The following MOBP variants were observed in gnomAD, a reference collection of about 807,000 sequenced individuals.
The protein encoded by MOBP is myelin-associated oligodendrocyte basic protein.
MOBP carries 5 observed loss-of-function variants against 15.0 expected under a neutral mutation model. The ratio of observed to expected loss-of-function variants is 0.33; its 90% CI spans 0.17 to 0.70. The LOEUF is 0.70. Ranked by LOEUF, MOBP falls within the 30% of genes least tolerant of loss-of-function variation. The probability of loss-of-function intolerance (pLI) is 0.67; values close to 1 mark genes in which losing one functional copy is unlikely to be tolerated. For synonymous variants in MOBP, 88 were observed against 99.0 expected (o/e 0.89, Z 0.66); for missense variants, 188 against 257.8 (o/e 0.73, Z 1.85).
At chr3:39,525,465 A>G (rs1452918298), downstream of MOBP, 1 of 152,260 alleles carries the variant, frequency 6.6e-6, no homozygotes, top group African/African-American at 2.4e-5. Context: ...TAAAATGGAC[A>G]GTACTAGGGT....
rs1417710935 is a variant in MOBP, at chr3:39,502,274, A to G, written c.205A>G (p.Arg69Gly). 6.2e-7 allele frequency: 1 copy of G among 1,613,918 alleles called. No individual in the cohort carries two copies. Among genetic ancestry groups the G allele is most frequent in the Non-Finnish European group, 8.5e-7 (1 of 1,180,014 alleles). ...GATCTGCTGCGCCTGCCAGAAGACC[A>G]GGTAAGCGGCCGCCCAGCCCCGCGG... ...DWICCACQKT[R>G]TSRRAKSPQR... The change falls in exon 3 of 4, where the codon AGA (arginine) becomes GGA (glycine). Residue 69 changes from arginine to glycine, a missense_variant and splice_region_variant. By Grantham distance (125) the Arg-to-Gly change is moderately radical (BLOSUM62 -2). Coordinates refer to ENST00000684792, the MANE Select transcript of MOBP (RefSeq NM_001393704.1). This position sits in a 1 kb window ranked among gnomAD's most constrained non-coding sequence, Gnocchi z 6.3.
chr3:39,496,435 A>G (rs965726011), intron 2 of MOBP, among the ~76,000 whole-genome samples: 7 of 151,556 alleles, frequency 4.6e-5, no homozygotes, highest in South Asian at 2.1e-4. Flanking sequence ...TCCTAACCTC[A>G]TGATCCGCCC....
intron 2 of MOBP, among the ~76,000 whole-genome samples, chr3:39,499,028 A>G (rs645488): frequency 0.28 from 41,913 of 151,910 alleles, 6,919 homozygotes; most frequent in African/African-American, 0.46. Context: ...GTAAGAGCTA[A>G]ATTTTCTGTT....
In MOBP at chr3:39,468,794, GTA is replaced by G. The variant is rs1318914956; in HGVS notation, c.-89+1061_-89+1062del. ...TATATATACATATATACATGTGTGTGTATATATACATATGTGTGTGTATACAT... is the reference window on the plus strand; with the variant it reads ...TATATATACATATATACATGTGTGTGTATATACATATGTGTGTGTATACAT... On this transcript the variant is annotated intron_variant, in intron 1 of 3. Transcript: ENST00000684792. Among the ~76,000 whole-genome samples the G allele has an allele frequency of 3.9e-5, 4 of 101,930 alleles. No homozygotes were observed. In the South Asian group the frequency reaches 9.4e-4, roughly 24 times the overall value. The allele number at this position is 101,930 out of a possible 152,430, so 66.9% of individuals were successfully genotyped here.
chr3:39,502,838 C>T lies in MOBP; in HGVS notation c.510C>T (p.Ala170=). 1 of 1,502,740 alleles carries T rather than the reference C, an allele frequency of 6.7e-7. No individual in the cohort carries two copies. Among genetic ancestry groups the T allele is most frequent in the Non-Finnish European group, 8.9e-7 (1 of 1,120,916 alleles). 93.1% of individuals were successfully genotyped at this position (1,502,740 alleles called of 1,614,324 possible). A position where few individuals can be genotyped will look rare whatever the true frequency, so the allele number is the denominator to read the frequency against. The part of the protein sequence containing the change: ...PRSSPLRGPG[A]SRGGSPVKAS... ...GCAGCCCCCTCAGAGGGCCAGGCGCCAGCCGTGGGGGGTCCCCCGTCAAAG... is the reference window on the plus strand; with the variant it reads ...GCAGCCCCCTCAGAGGGCCAGGCGCTAGCCGTGGGGGGTCCCCCGTCAAAG... Residue 170 remains alanine, a synonymous_variant, in exon 4 of 4, where the codon GCC becomes GCT. Transcript: ENST00000684792. This position sits in a 1 kb window ranked among gnomAD's most constrained non-coding sequence, Gnocchi z 6.3.
Position 39,502,527 on chromosome 3 carries a change from C to T in MOBP, c.207-8C>T, listed in dbSNP as rs190253050. The T allele has an allele frequency of 1.7e-5, 27 of 1,573,774 alleles. No homozygotes were observed. In the East Asian group the frequency reaches 5.8e-4, roughly 34 times the overall value. ...GCTCCCGCCTCCAGCTTCTTTTGGCCCTCTCAGAACCAGCCGCCGTGCCAA... is the reference window on the plus strand; with the variant it reads ...GCTCCCGCCTCCAGCTTCTTTTGGCTCTCTCAGAACCAGCCGCCGTGCCAA... On this transcript the variant is annotated splice_polypyrimidine_tract_variant and splice_region_variant and intron_variant, in intron 3 of 3. Coordinates refer to ENST00000684792, the MANE Select transcript of MOBP (RefSeq NM_001393704.1). This position sits in a 1 kb window ranked among gnomAD's most constrained non-coding sequence, Gnocchi z 6.3.
At chr3:39,470,370 C>G (rs909183321) in intron 1 of MOBP, among the ~76,000 whole-genome samples, 1 of 152,136 alleles carries the variant, frequency 6.6e-6, no homozygotes, top group Non-Finnish European at 1.5e-5. Context: ...ACCAGACATT[C>G]GTAAAACAAG....
rs566871544 is a variant in MOBP at position 39,522,056 on chromosome 3, A to G, written c.*259-2187A>G. Among the ~76,000 whole-genome samples the G allele has an allele frequency of 1.9e-4, 29 of 152,314 alleles. No individual in the cohort carries two copies. The South Asian group carries it at 3.7e-3, about 20-fold the overall frequency. On this transcript the variant is annotated intron_variant and NMD_transcript_variant, in intron 3 of 4. Coordinates refer to the MOBP transcript ENST00000424090. ...GAAATAGGAGTTGACCACAGCAGCT[A>G]TTGCTTCTCCATCACTGGGAGAGGT...
intron 1 of MOBP, among the ~76,000 whole-genome samples, chr3:39,468,249 C>T (rs1032923667): frequency 6.6e-6 from 1 of 152,024 alleles, no homozygotes; most frequent in Non-Finnish European, 1.5e-5. Context: ...CCCTGTAGAC[C>T]AACAACCTTA....
rs2042985374 is a variant in MOBP, at chr3:39,502,394, G to A, written c.206+119G>A. ...CCTAGTCGGCTCCGGGTTAGGCTCC[G>A]ACACCGGAAGGCACTCCAGGGAGAC... On this transcript the variant is annotated intron_variant, in intron 3 of 3. Transcript: ENST00000684792. The surrounding 1 kb of genome is among the most constrained non-coding windows in gnomAD (Gnocchi z 6.3). 2.6e-6 allele frequency: 4 copies of A among 1,536,278 alleles called. No individual in the cohort carries two copies. The highest frequency in any genetic ancestry group is 3.5e-6 in the Non-Finnish European group (4 of 1,144,982).
chr3:39,470,794 G>C (rs1040669138), intron 1 of MOBP, among the ~76,000 whole-genome samples: 2 of 152,094 alleles, frequency 1.3e-5, no homozygotes, highest in African/African-American at 4.8e-5. Flanking sequence ...AGTTAGCTCT[G>C]CCTATTAAAA....
Position 39,502,883 on chromosome 3 carries a change from C to G in MOBP, c.*3C>G, listed in dbSNP as rs1361795150. The G allele has an allele frequency of 6.8e-6, 8 of 1,180,456 alleles. No homozygotes were observed. Among genetic ancestry groups the G allele is most frequent in the Middle Eastern group, 3.9e-4 (2 of 5,102 alleles). 73.1% of individuals were successfully genotyped at this position (1,180,456 alleles called of 1,614,324 possible). On this transcript the variant is annotated 3_prime_UTR_variant, in exon 4 of 4. Transcript: ENST00000684792. The surrounding 1 kb of genome is among the most constrained non-coding windows in gnomAD (Gnocchi z 6.3). ...TCAAAGCTTCTAGGTTCTGGTAACA[C>G]CATCTCTTCCCTTTTGTTCCCCAGC...
intron 2 of MOBP, among the ~76,000 whole-genome samples, chr3:39,482,085 C>T (rs554670571): frequency 6.6e-6 from 1 of 152,240 alleles, no homozygotes; most frequent in South Asian, 2.1e-4. Flanking sequence ...AACTTGAATC[C>T]ATTAAAAGTG....
intron 2 of MOBP, among the ~76,000 whole-genome samples, chr3:39,489,574 G>A (rs750745385): frequency 6.6e-6 from 1 of 152,134 alleles, no homozygotes; most frequent in Non-Finnish European, 1.5e-5. Context: ...TGTCTCAGTA[G>A]CTCCTATCTA....
Position 39,469,234 on chromosome 3 carries a change from G to A in MOBP, c.-89+1494G>A, listed in dbSNP as rs901261784. The stretch of plus-strand genomic sequence containing the variant: ...TGTGTGTATATACATATATACATAT[G>A]TGTGTGTATATATACATATATGTGT... On this transcript the variant is annotated intron_variant, in intron 1 of 3. Coordinates refer to ENST00000684792, the MANE Select transcript of MOBP (RefSeq NM_001393704.1). Among the ~76,000 whole-genome samples, 82 of 48,906 alleles carry A rather than the reference G, an allele frequency of 1.7e-3. 5 individuals carry two copies. Among genetic ancestry groups the A allele is most frequent in the Non-Finnish European group, 2.8e-3 (48 of 17,322 alleles). 32.1% of individuals were successfully genotyped at this position (48,906 alleles called of 152,430 possible). A position where few individuals can be genotyped will look rare whatever the true frequency, so the allele number is the denominator to read the frequency against.
At chr3:39,498,326 G>GTTT (rs58765386) in intron 2 of MOBP, among the ~76,000 whole-genome samples, 49,939 of 151,794 alleles carry the variant, frequency 0.33, 10,793 homozygotes, top group African/African-American at 0.62. Context: ...TAGGAGGGCA[G>GTTT]TTTTTTGTTG....
chr3:39,488,374 C>G (rs2042746621), intron 2 of MOBP, among the ~76,000 whole-genome samples: 1 of 152,178 alleles, frequency 6.6e-6, no homozygotes, highest in South Asian at 2.1e-4. Flanking sequence ...CATCCCTAAA[C>G]CATTCCCCCA....
At chr3:39,525,185 T>G (rs1342235124), downstream of MOBP, 1 of 152,216 alleles carries the variant, frequency 6.6e-6, no homozygotes, top group Non-Finnish European at 1.5e-5. Flanking sequence ...TATAAACGGT[T>G]AACAATATTA....
downstream of MOBP, among the ~76,000 whole-genome samples, chr3:39,520,556 G>GTA (rs773689503): frequency 1.4e-4 from 19 of 137,356 alleles, no homozygotes; most frequent in Non-Finnish European, 2.3e-4. Context: ...GTGTGTGTGT[G>GTA]TATGTGTGTG....
Sources: allele counts gnomAD v4.1 joint callset (sites outside exome capture counted in the v4.1 genomes callset), GRCh38; gene constraint gnomAD v4.1.1; non-coding constraint Gnocchi (gnomAD v3.1); transcripts MANE v1.5; gene names NCBI Gene and HGNC (gene_info 2026-07-23, HGNC 2026-07-21).